Variants in PCDH15 observed in about 807,000 individuals in gnomAD.
PCDH15 encodes the protein protocadherin related 15.
PCDH15 carries 129 observed loss-of-function variants against 178.5 expected under a neutral mutation model. The ratio of observed to expected loss-of-function variants is 0.72; its 90% CI spans 0.63 to 0.84. The LOEUF is 0.84. PCDH15 is among the 40% of genes least tolerant of loss of function. The pLI is 0.00. For synonymous variants in PCDH15, 800 were observed against 732.0 expected (o/e 1.09, Z -1.50); for missense variants, 2,230 against 2,099.9 (o/e 1.06, Z -1.21).
chr10:54,684,785 C>T (rs1337763959), intron 1 of PCDH15, among the ~76,000 whole-genome samples: 1 of 144,492 alleles, frequency 6.9e-6, no homozygotes, highest in Non-Finnish European at 1.5e-5. Context: ...TACTCCAGGT[C>T]AAATCATTTG....
intron 2 of PCDH15, among the ~76,000 whole-genome samples, chr10:54,637,920 A>T (rs2093899259): frequency 6.6e-6 from 1 of 152,116 alleles, no homozygotes; most frequent in South Asian, 2.1e-4. Flanking sequence ...AGAACATCTG[A>T]AACAGATGAA....
chr10:54,397,607 T>A (rs1413136446), intron 3 of PCDH15, among the ~76,000 whole-genome samples: 1 of 152,038 alleles, frequency 6.6e-6, no homozygotes, highest in East Asian at 1.9e-4. Context: ...ATTATAAAAA[T>A]GGATAAATAA....
intron 2 of PCDH15, among the ~76,000 whole-genome samples, chr10:55,528,611 TAATCCA>T (rs1841367023): frequency 6.6e-6 from 1 of 152,152 alleles, no homozygotes; most frequent in Non-Finnish European, 1.5e-5. Context: ...CACATTTTCT[TAATCCA>T]GTCTTTCATT....
intron 2 of PCDH15, among the ~76,000 whole-genome samples, chr10:54,644,285 G>A (rs1035927444): frequency 3.4e-5 from 5 of 147,858 alleles, no homozygotes; most frequent in African/African-American, 1.2e-4. Flanking sequence ...AGCATATTCA[G>A]TAAGCTTTGA....
intron 24 of PCDH15, among the ~76,000 whole-genome samples, chr10:53,939,440 A>T (rs934874623): frequency 7.2e-5 from 11 of 152,138 alleles, no homozygotes; most frequent in African/African-American, 1.7e-4. Flanking sequence ...GAGAGAAAAT[A>T]AAAAAATGGA....
chr10:55,372,793 CT>C lies in PCDH15; in HGVS notation c.-155-206143del, dbSNP rs1327192749. Among the ~76,000 whole-genome samples, 3 of 152,226 alleles carry C rather than the reference CT, an allele frequency of 2.0e-5. No homozygotes were observed. The East Asian group carries it at 5.8e-4, about 29-fold the overall frequency. ...CATCATTTCTGTAATACATAGTCTT[CT>C]CCCAAGACTTTGAGAGTACTAGACA... On this transcript the variant is annotated intron_variant, in intron 2 of 5. Transcript: ENST00000613346.
chr10:53,922,613 C>A (rs2084093225), intron 25 of PCDH15, among the ~76,000 whole-genome samples: 1 of 152,094 alleles, frequency 6.6e-6, no homozygotes, highest in Admixed American at 6.6e-5. Flanking sequence ...GTTTAATAAT[C>A]TGTGTTACAT....
chr10:55,066,040 C>T (rs1225430802), intron 2 of PCDH15, among the ~76,000 whole-genome samples: 1 of 151,858 alleles, frequency 6.6e-6, no homozygotes, highest in Non-Finnish European at 1.5e-5. Context: ...TTTATTTACA[C>T]ATTTATTTTT....
chr10:55,465,140 A>G (rs1390107354), intron 2 of PCDH15, among the ~76,000 whole-genome samples: 4 of 152,064 alleles, frequency 2.6e-5, no homozygotes, highest in Non-Finnish European at 5.9e-5. Flanking sequence ...ACACACAGAG[A>G]CTGATTTTAG....
intron 5 of PCDH15, among the ~76,000 whole-genome samples, chr10:54,349,852 A>G (rs1943900799): frequency 6.6e-6 from 1 of 152,178 alleles, no homozygotes; most frequent in Non-Finnish European, 1.5e-5. Flanking sequence ...GAGTAATTCA[A>G]TTTCAAATGT....
intron 9 of PCDH15, among the ~76,000 whole-genome samples, chr10:54,218,580 C>T (rs1250766194): frequency 6.6e-6 from 1 of 152,144 alleles, no homozygotes; most frequent in African/African-American, 2.4e-5. Context: ...TGTGAAGACA[C>T]AAGAAAGCAG....
At chr10:54,268,188 A>G (rs1205694516) in intron 8 of PCDH15, among the ~76,000 whole-genome samples, 4 of 152,016 alleles carry the variant, frequency 2.6e-5, no homozygotes, top group African/African-American at 4.8e-5. Flanking sequence ...AGGATACCCT[A>G]TTCAATTAAT....
chr10:55,099,097 A>C (rs1259078019), intron 2 of PCDH15, among the ~76,000 whole-genome samples: 1 of 151,872 alleles, frequency 6.6e-6, no homozygotes, highest in Non-Finnish European at 1.5e-5. Context: ...TCTTTTTAAA[A>C]ATTTTTACTC....
intron 20 of PCDH15, among the ~76,000 whole-genome samples, chr10:54,014,728 C>T (rs745928468): frequency 1.9e-4 from 29 of 151,980 alleles, no homozygotes; most frequent in African/African-American, 5.3e-4. Context: ...ATGTTAAGAA[C>T]GCTTAACAAA....
intron 2 of PCDH15, among the ~76,000 whole-genome samples, chr10:54,921,919 G>T (rs1049139243): frequency 1.3e-5 from 2 of 152,120 alleles, no homozygotes; most frequent in Non-Finnish European, 2.9e-5. Flanking sequence ...CTCCATGGTG[G>T]AGCAGAAGAG....
intron 8 of PCDH15, among the ~76,000 whole-genome samples, chr10:54,243,088 G>T (rs1201610269): frequency 6.6e-6 from 1 of 152,114 alleles, no homozygotes; most frequent in African/African-American, 2.4e-5. Flanking sequence ...CTAAGTTATT[G>T]AATTTATTAT....
At chr10:54,337,303 G>A (rs1005849866) in intron 6 of PCDH15, among the ~76,000 whole-genome samples, 1 of 152,160 alleles carries the variant, frequency 6.6e-6, no homozygotes, top group East Asian at 1.9e-4. Context: ...GGCATGATTG[G>A]TTTTAAAATG....
At chr10:55,103,307 A>G (rs1051879063) in intron 2 of PCDH15, among the ~76,000 whole-genome samples, 1 of 151,980 alleles carries the variant, frequency 6.6e-6, no homozygotes, top group African/African-American at 2.4e-5. Context: ...TATTTCTTCT[A>G]TGTTTTCTTC....
At chr10:54,788,125 A>G (rs1951064110) in intron 1 of PCDH15, among the ~76,000 whole-genome samples, 1 of 151,880 alleles carries the variant, frequency 6.6e-6, no homozygotes, top group Non-Finnish European at 1.5e-5. Context: ...GTTTGACTCT[A>G]AAGCTATTAA....
Sources: gnomAD v4.1 joint callset for allele counts (sites outside exome capture counted in the v4.1 genomes callset) on GRCh38, gnomAD v4.1.1 for gene constraint, MANE v1.5 for transcripts, NCBI Gene and HGNC (gene_info 2026-07-23, HGNC 2026-07-21) for gene names.